NRF1: variants seen among roughly 807,000 people sequenced by gnomAD.
The protein encoded by NRF1 is nuclear respiratory factor 1, also known as alpha palindromic-binding protein.
A neutral mutation model predicts 58.5 loss-of-function variants in NRF1; 5 were observed. The observed-to-expected ratio is 0.09, with a 90% CI of 0.04 to 0.18. The LOEUF (loss-of-function observed/expected upper bound fraction) is 0.18. Among genes scored for constraint, NRF1 ranks in the 10% least tolerant of loss-of-function variants. The probability of loss-of-function intolerance (pLI) is 1.00; values close to 1 mark genes in which losing one functional copy is unlikely to be tolerated. For missense variants in NRF1, 288 were observed against 657.7 expected (o/e 0.44, Z 6.15); for synonymous variants, 224 against 246.7 (o/e 0.91, Z 0.86).
chr7:129,648,333 G>A (rs566576708), intron 1 of NRF1, among the ~76,000 whole-genome samples: 67 of 140,272 alleles, frequency 4.8e-4, no homozygotes, highest in African/African-American at 1.6e-3. Context: ...AGGCTGGAGT[G>A]CAGTGGCACA....
At chr7:129,670,469 G>A (rs1482067253) in intron 2 of NRF1, among the ~76,000 whole-genome samples, 1 of 152,196 alleles carries the variant, frequency 6.6e-6, no homozygotes, top group East Asian at 1.9e-4. Context: ...AGGGGTTTAA[G>A]TCAGGCTGAT....
intron 4 of NRF1, among the ~76,000 whole-genome samples, chr7:129,680,175 A>G (rs538175031): frequency 6.6e-6 from 1 of 152,368 alleles, no homozygotes; most frequent in African/African-American, 2.4e-5. Context: ...ATAATTATTT[A>G]TCATTAATCA....
chr7:129,673,745 G>A lies in NRF1; in HGVS notation c.338+2202G>A, dbSNP rs986121287. Among the ~76,000 whole-genome samples, 18 of 147,388 alleles carry A rather than the reference G, an allele frequency of 1.2e-4. No homozygotes were observed. In the East Asian group the frequency reaches 1.4e-3, roughly 12 times the overall value. On this transcript the variant is annotated intron_variant, in intron 3 of 10. Transcript: ENST00000393232. Reference sequence around the variant, plus strand: ...AAAAAAAAAAAAAAAAGCTGTTTTCGGTTTGATGGGTGCAGCAGACCACCA... The same window carrying A: ...AAAAAAAAAAAAAAAAGCTGTTTTCAGTTTGATGGGTGCAGCAGACCACCA...
intron 1 of NRF1, among the ~76,000 whole-genome samples, chr7:129,629,653 G>A (rs888508307): frequency 6.6e-6 from 1 of 152,176 alleles, no homozygotes; most frequent in Non-Finnish European, 1.5e-5. Context: ...CAACAGAAGC[G>A]CTTTATGCAT....
At chr7:129,734,070 G>A (rs1358745858) in intron 10 of NRF1, among the ~76,000 whole-genome samples, 1 of 152,114 alleles carries the variant, frequency 6.6e-6, no homozygotes, top group Non-Finnish European at 1.5e-5. Flanking sequence ...CACTTGTGGA[G>A]CTCTCTGACC....
At chr7:129,637,207 T>A (rs1801185145) in intron 1 of NRF1, among the ~76,000 whole-genome samples, 1 of 151,704 alleles carries the variant, frequency 6.6e-6, no homozygotes, top group African/African-American at 2.4e-5. Flanking sequence ...TTACCTTACA[T>A]TTTGAGGTTC....
intron 5 of NRF1, among the ~76,000 whole-genome samples, chr7:129,704,684 A>G (rs1326864109): frequency 2.0e-5 from 3 of 152,194 alleles, no homozygotes; most frequent in Non-Finnish European, 4.4e-5. Context: ...TGTGTTTTAT[A>G]TACACCTTAT....
intron 10 of NRF1, among the ~76,000 whole-genome samples, chr7:129,736,073 G>T (rs191715096): frequency 2.6e-5 from 4 of 152,210 alleles, no homozygotes; most frequent in African/African-American, 9.6e-5. Flanking sequence ...TTACTGTGCT[G>T]TAAAACAAAC....
intron 1 of NRF1, among the ~76,000 whole-genome samples, chr7:129,640,377 G>A (rs1801262562): frequency 6.6e-6 from 1 of 152,028 alleles, no homozygotes; most frequent in East Asian, 1.9e-4. Flanking sequence ...AATTAGCTGG[G>A]CGTGGTGGCT....
At chr7:129,634,979 T>C (rs998867952) in intron 1 of NRF1, among the ~76,000 whole-genome samples, 1 of 152,218 alleles carries the variant, frequency 6.6e-6, no homozygotes, top group African/African-American at 2.4e-5. Flanking sequence ...TCTATTTTTT[T>C]CCTTTTCCAT....
chr7:129,742,284 A>C (rs1041906735), intron 10 of NRF1, among the ~76,000 whole-genome samples: 13 of 151,574 alleles, frequency 8.6e-5, no homozygotes, highest in East Asian at 7.7e-4. Context: ...TTAAAAAAAA[A>C]AAAAAAAACA....
At chr7:129,690,270 T>G in intron 4 of NRF1, 136 bp from the exon 5 acceptor site, 2 of 739,230 alleles carry the variant, frequency 2.7e-6, no homozygotes, top group Non-Finnish European at 4.4e-6. Flanking sequence ...GTATTTTTAT[T>G]TGCTTGTAGA....
At chr7:129,672,534 A>C (rs939885342) in intron 3 of NRF1, among the ~76,000 whole-genome samples, 2 of 152,198 alleles carry the variant, frequency 1.3e-5, no homozygotes, top group Non-Finnish European at 2.9e-5. Flanking sequence ...TGATTATAGT[A>C]ATCTAGGCCA....
At chr7:129,646,748 A>G (rs1801413377) in intron 1 of NRF1, among the ~76,000 whole-genome samples, 1 of 152,194 alleles carries the variant, frequency 6.6e-6, no homozygotes, top group Non-Finnish European at 1.5e-5. Context: ...GGATACTGGC[A>G]GTAAAGTCTG....
At chr7:129,672,456 C>T (rs1243124556) in intron 3 of NRF1, among the ~76,000 whole-genome samples, 1 of 152,058 alleles carries the variant, frequency 6.6e-6, no homozygotes, top group Admixed American at 6.5e-5. Flanking sequence ...TAAAGAATCA[C>T]TCAGGCTACT....
chr7:129,703,603 T>G (rs761890540), intron 5 of NRF1, among the ~76,000 whole-genome samples: 4 of 152,224 alleles, frequency 2.6e-5, no homozygotes, highest in Admixed American at 6.5e-5. Context: ...GAAGTCAAAT[T>G]ATCTCTTAAG....
chr7:129,727,236 C>T lies in NRF1; in HGVS notation c.1224-5C>T, dbSNP rs201075515. The T allele has an allele frequency of 3.8e-5, 61 of 1,588,034 alleles. No individual in the cohort carries two copies. In the Admixed American group the frequency reaches 8.5e-4, roughly 22 times the overall value. ...TCATCCTCTCTCCTGTTCCTGTGCC[C>T]GCAGCGAAGCTGCCGCCCATGCTGT... On this transcript the variant is annotated splice_region_variant and splice_polypyrimidine_tract_variant and intron_variant, in intron 9 of 10. Transcript: ENST00000393232.
At chr7:129,750,344 G>GT (rs1359535472) in intron 10 of NRF1, among the ~76,000 whole-genome samples, 1 of 152,130 alleles carries the variant, frequency 6.6e-6, no homozygotes, top group African/African-American at 2.4e-5. Flanking sequence ...AAGGGCAGCC[G>GT]CCCGACTTAG....
chr7:129,618,813 C>G (rs1800708459), intron 1 of NRF1, among the ~76,000 whole-genome samples: 1 of 152,086 alleles, frequency 6.6e-6, no homozygotes, highest in Non-Finnish European at 1.5e-5. Flanking sequence ...ATGAGATACC[C>G]TGGAGATAGG....
Sources: gnomAD v4.1 joint callset for allele counts (sites outside exome capture counted in the v4.1 genomes callset) on GRCh38, gnomAD v4.1.1 for gene constraint, MANE v1.5 for transcripts, NCBI Gene and HGNC (gene_info 2026-07-23, HGNC 2026-07-21) for gene names.